EIF2D: variants seen among roughly 807,000 people sequenced by gnomAD.
EIF2D encodes the protein eukaryotic translation initiation factor 2D.
EIF2D carries 56 observed loss-of-function variants against 77.4 expected under a neutral mutation model. The ratio of observed to expected loss-of-function variants is 0.72; its 90% CI spans 0.58 to 0.90. The LOEUF (loss-of-function observed/expected upper bound fraction) is 0.90. Among genes scored for constraint, EIF2D ranks in the 40% least tolerant of loss-of-function variants. The pLI is 0.00. For synonymous variants in EIF2D, 230 were observed against 271.0 expected (o/e 0.85, Z 1.49); for missense variants, 574 against 706.5 (o/e 0.81, Z 2.13).
rs782032118 is a variant in EIF2D, at chr1:206,609,492, C to G, written c.248-33G>C. ...AAAAGAGATCCAGAAAACACTACTA[C>G]CAAAAAGCCAATCTTCTAGAGAAAT... is the stretch of plus-strand genomic sequence containing the variant. On this transcript the variant is annotated intron_variant, in intron 2 of 14. Coordinates refer to ENST00000271764, the MANE Select transcript of EIF2D (RefSeq NM_006893.3). The G allele has an allele frequency of 2.6e-6, 4 of 1,557,416 alleles. No homozygotes were observed. The East Asian group carries it at 9.0e-5, about 35-fold the overall frequency.
chr1:206,580,351 C>T (rs1444258488), intron 4 of EIF2D, among the ~76,000 whole-genome samples: 5 of 152,186 alleles, frequency 3.3e-5, no homozygotes, highest in Non-Finnish European at 7.3e-5. Flanking sequence ...AATTTTCTTT[C>T]CATTACTTAT....
chr1:206,570,008 C>T (rs954722746), downstream of EIF2D, among the ~76,000 whole-genome samples: 95 of 151,694 alleles, frequency 6.3e-4, no homozygotes, highest in African/African-American at 2.1e-3. Context: ...CAGCCAGTGA[C>T]ATGGCCTCCA....
chr1:206,582,976 G>A (rs1214916266), intron 2 of EIF2D: 12 of 261,562 alleles, frequency 4.6e-5, no homozygotes, highest in African/African-American at 9.0e-5. Flanking sequence ...AGTGCCAGAC[G>A]CTTTCACACT....
downstream of EIF2D, among the ~76,000 whole-genome samples, chr1:206,570,897 A>G (rs1052026602): frequency 6.6e-6 from 1 of 152,058 alleles, no homozygotes; most frequent in Non-Finnish European, 1.5e-5. Context: ...TGGGTGTTCA[A>G]ATACTGGTTT....
intron 6 of EIF2D, 139 bp downstream of exon 6, chr1:206,602,812 G>A (rs1252033731): frequency 1.3e-5 from 17 of 1,264,246 alleles, no homozygotes; most frequent in East Asian, 4.9e-5. Flanking sequence ...GGGCTGCTGC[G>A]CCACCCTCAC....
At chr1:206,611,111 A>G in intron 2 of EIF2D, 73 bp downstream of exon 2, 1 of 1,408,146 alleles carries the variant, frequency 7.1e-7, no homozygotes, top group African/African-American at 1.4e-5. Context: ...GAGACAATGG[A>G]AGAAACAGAG....
intron 2 of EIF2D, among the ~76,000 whole-genome samples, chr1:206,609,791 T>C (rs576643555): frequency 2.0e-5 from 3 of 152,342 alleles, no homozygotes; most frequent in East Asian, 1.9e-4. Context: ...GCCAGCTGTA[T>C]AAAATTTGGA....
chr1:206,593,799 G>A lies in EIF2D; in HGVS notation c.1510-6C>T. On this transcript the variant is annotated splice_region_variant and splice_polypyrimidine_tract_variant and intron_variant, in intron 13 of 14. Coordinates refer to ENST00000271764, the MANE Select transcript of EIF2D (RefSeq NM_006893.3). ...AAGTTCCGGACCACGGTCACCTGGG[G>A]GGACAGTGGGGACAGAGACTGACGG... is the stretch of plus-strand genomic sequence containing the variant. The A allele has an allele frequency of 6.3e-7, 1 of 1,590,548 alleles. No homozygotes were observed. The highest frequency in any genetic ancestry group is 8.6e-7 in the Non-Finnish European group (1 of 1,163,076).
chr1:206,599,609 A>G lies in EIF2D; in HGVS notation c.1056T>C (p.Ile352=). Reference sequence around the variant, plus strand: ...AGGGCTCGGGTATGACGAAAGATGTAATCCTAAAACCCAGCAGAAGGAAAG... The same window carrying G: ...AGGGCTCGGGTATGACGAAAGATGTGATCCTAAAACCCAGCAGAAGGAAAG... ...IVAVDWKHPR[I]TSFVIPEPSP... Residue 352 remains isoleucine, a synonymous_variant, in exon 10 of 15, where the codon ATT becomes ATC. Coordinates refer to ENST00000271764, the MANE Select transcript of EIF2D (RefSeq NM_006893.3). This position sits in a 1 kb window ranked among gnomAD's most constrained non-coding sequence, Gnocchi z 4.1. The G allele has an allele frequency of 6.3e-7, 1 of 1,599,178 alleles. No homozygotes were observed. Among genetic ancestry groups the G allele is most frequent in the Admixed American group, 1.7e-5 (1 of 57,626 alleles).
intron 12 of EIF2D, 40 bp from the exon 13 acceptor site, chr1:206,595,878 C>G (rs1416034124): frequency 3.3e-5 from 53 of 1,608,268 alleles, no homozygotes; most frequent in Non-Finnish European, 4.4e-5. Context: ...ATAAAGCCAA[C>G]AGAAACCATT....
intron 14 of EIF2D, 148 bp downstream of exon 14, chr1:206,593,471 G>C (rs1669455927): frequency 2.1e-6 from 1 of 467,174 alleles, no homozygotes; most frequent in Non-Finnish European, 3.4e-6. Context: ...TAAATGGAGA[G>C]AGAGAGAGAG....
chr1:206,592,182 C>T lies in EIF2D; in HGVS notation c.1685-337G>A, dbSNP rs1178712351. 2.0e-5 allele frequency among the ~76,000 whole-genome samples: 3 copies of T among 152,216 alleles called. No individual in the cohort carries two copies. The highest frequency in any genetic ancestry group is 7.2e-5 in the African/African-American group (3 of 41,458). On this transcript the variant is annotated intron_variant, in intron 14 of 14. Transcript: ENST00000271764. This position sits in a 1 kb window ranked among gnomAD's most constrained non-coding sequence, Gnocchi z 4.7. ...AGGCTCAACTCTAGAAGTTAACTGT[C>T]AGGTACTGCCATAGGCCATGGAATA...
Position 206,592,735 on chromosome 1 carries a change from C to G in EIF2D, c.1684+884G>C, listed in dbSNP as rs946327019. ...TCATATTTGTTTAAGAAAGCTGACT[C>G]AGGCAGAGATGTGAAGGCTGGTTTG... On this transcript the variant is annotated intron_variant, in intron 14 of 14. Transcript: ENST00000271764. The surrounding 1 kb of genome is among the most constrained non-coding windows in gnomAD (Gnocchi z 4.7). Among the ~76,000 whole-genome samples, 1 of 152,144 alleles carries G rather than the reference C, an allele frequency of 6.6e-6. No homozygotes were observed. Among genetic ancestry groups the G allele is most frequent in the African/African-American group, 2.4e-5 (1 of 41,428 alleles).
chr1:206,585,341 G>C, intron 2 of EIF2D: 1 of 1,317,636 alleles, frequency 7.6e-7, no homozygotes, highest in Non-Finnish European at 1.1e-6. Flanking sequence ...GGGCACCCTG[G>C]GTGGGTGCAG....
chr1:206,582,159 CAG>C, intron 2 of EIF2D, among the ~76,000 whole-genome samples: 2 of 152,258 alleles, frequency 1.3e-5, no homozygotes, highest in Non-Finnish European at 2.9e-5. Context: ...AGGTGGGTAA[CAG>C]TGAACTTGAG....
At chr1:206,585,224 C>T (rs782615062) in intron 2 of EIF2D, 13 of 1,614,180 alleles carry the variant, frequency 8.1e-6, no homozygotes, top group Middle Eastern at 3.3e-4. Flanking sequence ...CCTCTACCTG[C>T]GCCTGCTTGC....
chr1:206,602,765 G>T, intron 6 of EIF2D, 186 bp downstream of exon 6: 2 of 870,116 alleles, frequency 2.3e-6, no homozygotes, highest in Non-Finnish European at 3.5e-6. Flanking sequence ...AGGAAGACGT[G>T]ACTTATGTGG....
intron 2 of EIF2D, among the ~76,000 whole-genome samples, chr1:206,609,675 C>T (rs184996307): frequency 7.2e-5 from 11 of 152,168 alleles, no homozygotes; most frequent in African/African-American, 2.2e-4. Context: ...TGGAGGCATC[C>T]GGATTGCAGC....
intron 2 of EIF2D, chr1:206,583,488 C>A: frequency 1.3e-6 from 1 of 771,068 alleles, no homozygotes; most frequent in South Asian, 1.5e-5. Flanking sequence ...AGGTCCCCTC[C>A]CTTTCCTCCG....
Sources: gnomAD v4.1 joint callset for allele counts (sites outside exome capture counted in the v4.1 genomes callset) on GRCh38, gnomAD v4.1.1 for gene constraint, Gnocchi (gnomAD v3.1) non-coding constraint, MANE v1.5 for transcripts, NCBI Gene and HGNC (gene_info 2026-07-23, HGNC 2026-07-21) for gene names.